The following COBL variants were observed in gnomAD, a reference collection of about 807,000 sequenced individuals.
COBL encodes the protein cordon-bleu WH2 repeat protein, also known as protein cordon-bleu.
Under a neutral mutation model 98.8 loss-of-function variants are expected in COBL, and 51 were observed. The observed-to-expected ratio is 0.52, with a 90% CI of 0.41 to 0.65. COBL has a LOEUF of 0.65. COBL is among the 30% of genes least tolerant of loss of function. COBL has a pLI of 0.00. For missense variants in COBL, 1,617 were observed against 1,617.5 expected, an observed-to-expected ratio of 1.00 and a Z score of 0.01; for synonymous variants, 634 against 651.7, an observed-to-expected ratio of 0.97 and a Z score of 0.41.
intron 6 of COBL, among the ~76,000 whole-genome samples, chr7:51,117,577 T>C (rs1237823523): frequency 6.6e-6 from 1 of 152,186 alleles, no homozygotes; most frequent in Admixed American, 6.5e-5. Flanking sequence ...ATTAACCATA[T>C]GAGATTTTTT....
chr7:51,045,338 C>A (rs1051407998), intron 7 of COBL, among the ~76,000 whole-genome samples: 1 of 152,220 alleles, frequency 6.6e-6, no homozygotes, highest in African/African-American at 2.4e-5. Context: ...ATGTGAACGG[C>A]CCTGTGACAG....
Position 51,219,731 on chromosome 7 carries a change from C to G in COBL, c.245+10G>C. 6.2e-7 allele frequency: 1 copy of G among 1,611,672 alleles called. No homozygotes were observed. Among genetic ancestry groups the G allele is most frequent in the Non-Finnish European group, 8.5e-7 (1 of 1,178,700 alleles). ...AGTACAGCGACTCCTCCTGCAGCACCGGCTCTCACCTCCCATTGAGCACGC... is the reference window on the plus strand; with the variant it reads ...AGTACAGCGACTCCTCCTGCAGCACGGGCTCTCACCTCCCATTGAGCACGC... On this transcript the variant is annotated intron_variant, in intron 2 of 12. Coordinates refer to ENST00000265136, the MANE Select transcript of COBL (RefSeq NM_015198.5).
intron 5 of COBL, among the ~76,000 whole-genome samples, chr7:51,176,936 G>A (rs903040372): frequency 6.6e-6 from 1 of 152,164 alleles, no homozygotes; most frequent in African/African-American, 2.4e-5. Flanking sequence ...AAGTTCATGT[G>A]ACTTCAGTAA....
chr7:51,136,425 A>T, intron 5 of COBL, 94 bp from the exon 6 acceptor site: 1 of 1,329,224 alleles, frequency 7.5e-7, no homozygotes, highest in Non-Finnish European at 1.0e-6. Flanking sequence ...CAATCCGTCC[A>T]CCTGAGCTTG....
intron 7 of COBL, among the ~76,000 whole-genome samples, chr7:51,050,665 T>C (rs1269235436): frequency 6.6e-6 from 1 of 152,206 alleles, no homozygotes; most frequent in East Asian, 1.9e-4. Flanking sequence ...TTTGGATAAA[T>C]GGCTGCCATT....
chr7:51,258,135 A>G (rs1797367926), intron 1 of COBL, among the ~76,000 whole-genome samples: 1 of 152,250 alleles, frequency 6.6e-6, no homozygotes, highest in African/African-American at 2.4e-5. Flanking sequence ...GTTATAACTG[A>G]CTACCCTAAA....
At chr7:51,202,190 A>G (rs777851031) in intron 2 of COBL, among the ~76,000 whole-genome samples, 1 of 152,194 alleles carries the variant, frequency 6.6e-6, no homozygotes, top group Non-Finnish European at 1.5e-5. Context: ...GTGAAAAGGT[A>G]AAAGTTCCTG....
At chr7:51,017,638 G>A (rs758359521) in intron 12 of COBL, 70 bp from the exon 13 acceptor site, 3 of 1,526,872 alleles carry the variant, frequency 2.0e-6, no homozygotes, top group Middle Eastern at 1.7e-4. Flanking sequence ...TCTGGTGCTA[G>A]AGAGCTCTGT....
rs1179803298 is a variant in COBL, at chr7:51,029,257, C to T, written c.1839G>A (p.Val613=). ...ASHDVGKGIR[V]ALSNISKDGN... ...CATCTTTAGAGATGTTAGATAAGGC[C>T]ACACGGATTCCTTTTCCGACGTCAT... The change falls in exon 10 of 13, where the codon GTG becomes GTA. Residue 613 remains valine (V), a synonymous_variant. Transcript: ENST00000265136. The T allele has an allele frequency of 4.3e-6, 7 of 1,610,972 alleles. No individual in the cohort carries two copies. The highest frequency in any genetic ancestry group is 4.2e-6 in the Non-Finnish European group (5 of 1,178,200).
intron 7 of COBL, among the ~76,000 whole-genome samples, chr7:51,048,862 T>C (rs918972178): frequency 6.6e-6 from 1 of 152,120 alleles, no homozygotes; most frequent in African/African-American, 2.4e-5. Flanking sequence ...CATAAGTGAG[T>C]GAGGCTTTTT....
At chr7:51,190,726 G>C in intron 4 of COBL, 124 bp downstream of exon 4, 1 of 738,760 alleles carries the variant, frequency 1.4e-6, no homozygotes. Flanking sequence ...GACTTGCCTG[G>C]AACTTCATGT....
chr7:51,162,799 A>C (rs936672820), intron 5 of COBL, among the ~76,000 whole-genome samples: 1 of 152,242 alleles, frequency 6.6e-6, no homozygotes, highest in Admixed American at 6.5e-5. Flanking sequence ...CCAATGATGT[A>C]GGCTTGCCCT....
intron 2 of COBL, among the ~76,000 whole-genome samples, chr7:51,198,329 T>C (rs959748302): frequency 6.6e-6 from 1 of 152,216 alleles, no homozygotes; most frequent in Admixed American, 6.5e-5. Context: ...TATTGAATAT[T>C]GGCCCCCAAT....
intron 1 of COBL, among the ~76,000 whole-genome samples, chr7:51,282,508 A>G (rs2129177761): frequency 6.6e-6 from 1 of 152,264 alleles, no homozygotes; most frequent in South Asian, 2.1e-4. Flanking sequence ...AGTCAATTCA[A>G]CAAGAAGATA....
At chr7:51,136,625 T>C (rs1799264725) in intron 5 of COBL, among the ~76,000 whole-genome samples, 1 of 152,202 alleles carries the variant, frequency 6.6e-6, no homozygotes, top group African/African-American at 2.4e-5. Context: ...TTTAAACTTC[T>C]TGACCAACCT....
chr7:51,028,014 C>T lies in COBL; in HGVS notation c.3082G>A (p.Asp1028Asn), dbSNP rs1268037382. 2 of 1,603,628 alleles carry T rather than the reference C, an allele frequency of 1.2e-6. No individual in the cohort carries two copies. Among genetic ancestry groups the T allele is most frequent in the African/African-American group, 2.7e-5 (2 of 74,860 alleles). ...GTDPPPPHTS[D>N]TQACSRELVN... ...AGCTCCCTGCTGCAGGCCTGAGTGT[C>T]AGATGTGTGTGGAGGGGGTGGGTCT... The change falls in exon 10 of 13, where the codon GAC (aspartate) becomes AAC (asparagine). Residue 1028 changes from aspartate (D) to asparagine (N), a missense_variant. Around this residue, in one of 3 missense-constraint regions of COBL, gnomAD observed 1,304 missense variants for 1,282.0 expected, o/e 1.02. Transcript: ENST00000265136.
intron 1 of COBL, among the ~76,000 whole-genome samples, chr7:51,295,039 C>A (rs140783951): frequency 0.011 from 1,619 of 152,088 alleles, 21 homozygotes; most frequent in African/African-American, 0.037. Flanking sequence ...ATAATCCCAG[C>A]ACTTTGGGAG....
At chr7:51,083,700 T>G (rs1039733870) in intron 7 of COBL, among the ~76,000 whole-genome samples, 1 of 152,252 alleles carries the variant, frequency 6.6e-6, no homozygotes, top group African/African-American at 2.4e-5. Flanking sequence ...GCTTATCTCC[T>G]GAGTCCATTT....
At chr7:51,053,672 C>T (rs1342290690) in intron 7 of COBL, among the ~76,000 whole-genome samples, 1 of 152,170 alleles carries the variant, frequency 6.6e-6, no homozygotes, top group East Asian at 1.9e-4. Context: ...GTCAGTCATC[C>T]CAAGCGCCCG....
Sources: allele counts gnomAD v4.1 joint callset (sites outside exome capture counted in the v4.1 genomes callset), GRCh38; gene constraint gnomAD v4.1.1; regional missense constraint gnomAD v4.1.1; transcripts MANE v1.5; gene names NCBI Gene and HGNC (gene_info 2026-07-23, HGNC 2026-07-21).